The following CCDC39 variants were observed in gnomAD, a reference collection of about 807,000 sequenced individuals.
CCDC39 encodes coiled-coil domain 39 molecular ruler complex subunit, also known as coiled-coil domain-containing protein 39.
Under a neutral mutation model 121.0 loss-of-function variants are expected in CCDC39, and 113 were observed. The observed-to-expected ratio is 0.93, with a 90% confidence interval of 0.80 to 1.09. The LOEUF is 1.09. Ranked by LOEUF, CCDC39 falls within the 50% of genes least tolerant of loss-of-function variation. The pLI is 0.00. For synonymous variants in CCDC39, 349 were observed against 352.2 expected (o/e 0.99, Z 0.10); for missense variants, 1,063 against 1,074.7 (o/e 0.99, Z 0.15).
In CCDC39 at chr3:180,660,809, A is replaced by C. The variant is rs1192988075; in HGVS notation, c.358-81T>G. The C allele has an allele frequency of 2.3e-6, 3 of 1,284,148 alleles. No homozygotes were observed. In the Admixed American group the frequency reaches 6.9e-5, roughly 30 times the overall value. The allele number at this position is 1,284,148 out of a possible 1,614,324, so 79.5% of individuals were successfully genotyped here. On this transcript the variant is annotated intron_variant, in intron 3 of 19. Transcript: ENST00000476379. ...AGACTAAAATAAAACATACCTTTAT[A>C]TACTATGGAGCAAAATTAAAAATGA... is the stretch of plus-strand genomic sequence containing the variant.
intron 14 of CCDC39, among the ~76,000 whole-genome samples, chr3:180,626,513 C>T (rs531502165): frequency 6.6e-6 from 1 of 152,194 alleles, no homozygotes; most frequent in South Asian, 2.1e-4. Context: ...GTAGGAAGTC[C>T]CACAGCAGCC....
chr3:180,645,503 C>T (rs924323008), intron 11 of CCDC39, among the ~76,000 whole-genome samples: 3 of 151,954 alleles, frequency 2.0e-5, no homozygotes, highest in African/African-American at 7.3e-5. Flanking sequence ...TTCTAATTGC[C>T]TGCATTTCTC....
chr3:180,642,364 T>TC (rs1240075065), intron 12 of CCDC39, among the ~76,000 whole-genome samples, 163 bp from the exon 13 acceptor site: 2 of 151,960 alleles, frequency 1.3e-5, no homozygotes, highest in Admixed American at 6.5e-5. Context: ...TTTTTTTTTT[T>TC]CTTTTAAGAA....
At chr3:180,617,095 G>T in intron 16 of CCDC39, 129 bp from the exon 17 acceptor site, 1 of 585,436 alleles carries the variant, frequency 1.7e-6, no homozygotes, top group Non-Finnish European at 2.9e-6. Flanking sequence ...TTCTGTTGAT[G>T]TACCTCTTAA....
intron 14 of CCDC39, 73 bp downstream of exon 14, chr3:180,631,396 T>C (rs1410059558): frequency 7.4e-7 from 1 of 1,348,440 alleles, no homozygotes; most frequent in Non-Finnish European, 1.0e-6. Context: ...TTTATTTAAA[T>C]TCAGAGGATT....
At chr3:180,663,223 C>T (rs746679612) in intron 2 of CCDC39, among the ~76,000 whole-genome samples, 3 of 152,014 alleles carry the variant, frequency 2.0e-5, no homozygotes, top group Non-Finnish European at 4.4e-5. Context: ...AAAATGGCCC[C>T]AGTGAGTTGT....
At chr3:180,619,237 TA>T (rs1419414426) in intron 16 of CCDC39, 21 bp downstream of exon 16, 17 of 1,200,804 alleles carry the variant, frequency 1.4e-5, no homozygotes, top group Middle Eastern at 1.9e-4. Context: ...GGCATATTAC[TA>T]AAAATGCCTG....
chr3:180,635,937 C>T (rs781591101), intron 13 of CCDC39, among the ~76,000 whole-genome samples: 2 of 152,110 alleles, frequency 1.3e-5, no homozygotes, highest in Admixed American at 6.6e-5. Flanking sequence ...GTAAATTAGG[C>T]GTTGAAGGAA....
intron 13 of CCDC39, among the ~76,000 whole-genome samples, chr3:180,637,410 A>G (rs1335791307): frequency 1.3e-5 from 2 of 152,132 alleles, no homozygotes; most frequent in African/African-American, 4.8e-5. Context: ...TTAAAGTCAA[A>G]TAAAATAAAA....
rs570430235 is a variant in CCDC39 at position 180,648,503 on chromosome 3, T to G, written c.1168-144A>C. ...GAAGATAAAGCTCTTCCCACAATTT[T>G]AACAAGTCCCCAGCATTTCTTATGG... On this transcript the variant is annotated intron_variant, in intron 9 of 19. Transcript: ENST00000476379. The G allele has an allele frequency of 2.6e-5, 14 of 538,734 alleles. No individual in the cohort carries two copies. The South Asian group carries it at 5.2e-4, about 20-fold the overall frequency. The allele number at this position is 538,734 out of a possible 1,614,324, so 33.4% of individuals were successfully genotyped here.
At chr3:180,627,634 A>G (rs1399718080) in intron 14 of CCDC39, among the ~76,000 whole-genome samples, 2 of 152,198 alleles carry the variant, frequency 1.3e-5, no homozygotes, top group Non-Finnish European at 2.9e-5. Flanking sequence ...AAAGACTAAG[A>G]GGAACTTGGA....
intron 1 of CCDC39, among the ~76,000 whole-genome samples, chr3:180,667,286 T>C (rs1297433361): frequency 6.6e-6 from 1 of 152,164 alleles, no homozygotes; most frequent in African/African-American, 2.4e-5. Flanking sequence ...AAGAAACTAT[T>C]CTATCAAAAT....
intron 1 of CCDC39, among the ~76,000 whole-genome samples, chr3:180,674,433 A>G (rs1346550182): frequency 6.6e-6 from 1 of 152,154 alleles, no homozygotes; most frequent in Non-Finnish European, 1.5e-5. Context: ...AACAGGGACA[A>G]TTTGACTTCC....
intron 9 of CCDC39, among the ~76,000 whole-genome samples, chr3:180,650,389 G>A (rs1338244970): frequency 6.6e-6 from 1 of 152,130 alleles, no homozygotes; most frequent in Non-Finnish European, 1.5e-5. Context: ...AGATGATGAT[G>A]GGAATTTGAT....
intron 9 of CCDC39, among the ~76,000 whole-genome samples, chr3:180,650,327 T>C (rs1391036439): frequency 2.0e-5 from 3 of 151,946 alleles, no homozygotes; most frequent in Non-Finnish European, 2.9e-5. Context: ...TTTGCCAGAG[T>C]ATAAGGGGTT....
chr3:180,645,955 C>A (rs1718058192), intron 11 of CCDC39, among the ~76,000 whole-genome samples: 1 of 152,086 alleles, frequency 6.6e-6, no homozygotes, highest in South Asian at 2.1e-4. Context: ...GAAACAAAGT[C>A]ATACCTCTAA....
chr3:180,666,406 T>G (rs1711878820), intron 1 of CCDC39, among the ~76,000 whole-genome samples: 1 of 152,200 alleles, frequency 6.6e-6, no homozygotes, highest in African/African-American at 2.4e-5. Flanking sequence ...TTACTTTTAT[T>G]GTATTATATC....
At chr3:180,623,488 CT>C (rs1717481938) in intron 14 of CCDC39, among the ~76,000 whole-genome samples, 2 of 151,742 alleles carry the variant, frequency 1.3e-5, no homozygotes, top group South Asian at 4.1e-4. Flanking sequence ...GTTCTGCTAA[CT>C]TTGGTTTGGT....
chr3:180,627,898 G>A (rs983884549), intron 14 of CCDC39, among the ~76,000 whole-genome samples: 4 of 152,162 alleles, frequency 2.6e-5, no homozygotes, highest in Admixed American at 2.6e-4. Flanking sequence ...TGGAAATAGG[G>A]TCTTTGCAGA....
Sources: allele counts gnomAD v4.1 joint callset (sites outside exome capture counted in the v4.1 genomes callset), GRCh38; gene constraint gnomAD v4.1.1; transcripts MANE v1.5; gene names NCBI Gene and HGNC (gene_info 2026-07-23, HGNC 2026-07-21).